The following SESN3 variants were observed in gnomAD, a reference collection of about 807,000 sequenced individuals.
SESN3 encodes sestrin 3, also known as sestrin-3.
SESN3 carries 21 observed loss-of-function variants against 55.3 expected under a neutral mutation model. The ratio of observed to expected loss-of-function variants is 0.38; its 90% CI spans 0.27 to 0.55. The LOEUF (loss-of-function observed/expected upper bound fraction) is 0.55, where lower values mean the gene tolerates loss of function less well. Among genes scored for constraint, SESN3 ranks in the 20% least tolerant of loss-of-function variants. The pLI is 0.76. For synonymous variants in SESN3, 181 were observed against 203.1 expected (o/e 0.89, Z 0.93); for missense variants, 408 against 604.3 (o/e 0.68, Z 3.41).
At chr11:95,175,816 A>T (rs1158323991) in intron 8 of SESN3, among the ~76,000 whole-genome samples, 174 bp from the exon 9 acceptor site, 1 of 152,220 alleles carries the variant, frequency 6.6e-6, no homozygotes, top group Non-Finnish European at 1.5e-5. Flanking sequence ...AGTAGTAGTG[A>T]TATACTAGTG....
chr11:95,227,523 T>A (rs1250542973), intron 1 of SESN3, among the ~76,000 whole-genome samples: 2 of 152,176 alleles, frequency 1.3e-5, no homozygotes, highest in Non-Finnish European at 2.9e-5. Context: ...GTATTTTTCA[T>A]TTTGACAGTA....
intron 8 of SESN3, among the ~76,000 whole-genome samples, chr11:95,175,888 G>A (rs115277988): frequency 0.021 from 3,192 of 152,202 alleles, 87 homozygotes; most frequent in African/African-American, 0.056. Context: ...AAAAAACGAA[G>A]AAAAATTAAA....
intron 1 of SESN3, among the ~76,000 whole-genome samples, chr11:95,226,643 C>G (rs1860952905): frequency 6.6e-6 from 1 of 152,078 alleles, no homozygotes; most frequent in African/African-American, 2.4e-5. Context: ...CCTTCACAAT[C>G]AATGACAATC....
chr11:95,211,995 A>G lies in SESN3; in HGVS notation c.79-18473T>C, dbSNP rs1182821257. Among the ~76,000 whole-genome samples, 3 of 152,212 alleles carry G rather than the reference A, an allele frequency of 2.0e-5. No individual in the cohort carries two copies. In the East Asian group the frequency reaches 5.8e-4, roughly 29 times the overall value. On this transcript the variant is annotated intron_variant, in intron 1 of 9. Coordinates refer to ENST00000536441, the MANE Select transcript of SESN3 (RefSeq NM_144665.4). The stretch of plus-strand genomic sequence containing the variant: ...AAATGGAAAATAAAATTGGAAAGTA[A>G]AGCCACTTAAGTAAAAAACACCCAT...
intron 1 of SESN3, among the ~76,000 whole-genome samples, chr11:95,218,887 C>T (rs1860809790): frequency 6.6e-6 from 1 of 152,088 alleles, no homozygotes; most frequent in South Asian, 2.1e-4. Flanking sequence ...CTCCTGACCT[C>T]GTGATCCGCC....
chr11:95,217,526 C>T lies in SESN3; in HGVS notation c.78+13257G>A, dbSNP rs187903915. Among the ~76,000 whole-genome samples the T allele has an allele frequency of 1.9e-3, 286 of 151,986 alleles. 1 individual carries two copies. The highest frequency in any genetic ancestry group is 3.2e-3 in the Non-Finnish European group (220 of 67,962). ...AATTAGCCGGGCACGGTGGTGGGCA[C>T]CTGTAATCCCAGCTACTTGGGAGGC... On this transcript the variant is annotated intron_variant, in intron 1 of 9. Transcript: ENST00000536441.
At chr11:95,177,014 C>G (rs985693921) in intron 8 of SESN3, among the ~76,000 whole-genome samples, 1 of 152,084 alleles carries the variant, frequency 6.6e-6, no homozygotes, top group South Asian at 2.1e-4. Context: ...TTCTAATTAT[C>G]ATAAAGTCTG....
Position 95,185,318 on chromosome 11 carries a change from C to T in SESN3, c.700G>A (p.Val234Ile), listed in dbSNP as rs368962287. The change falls in exon 5 of 10, where the codon GTT becomes ATT. Residue 234 changes from valine (V) to isoleucine (I), a missense_variant. Around this residue, in one of 4 missense-constraint regions of SESN3, gnomAD observed 119 missense variants for 139.9 expected, o/e 0.85. Transcript: ENST00000536441. ...TTGTTGTCATTAGCAAGATCACAAA[C>T]GCAGAAATTGTTGACTGATATTAGC... ...FRLISVNNFC[V>I]CDLANDNNIE... The T allele has an allele frequency of 3.5e-5, 56 of 1,613,018 alleles. 1 individual carries two copies. The Middle Eastern group carries it at 4.9e-4, about 14-fold the overall frequency.
At chr11:95,223,485 A>G (rs1860895856) in intron 1 of SESN3, among the ~76,000 whole-genome samples, 1 of 152,154 alleles carries the variant, frequency 6.6e-6, no homozygotes, top group Admixed American at 6.5e-5. Context: ...ATTCCTTCAA[A>G]GTGAAGGAAC....
chr11:95,183,256 G>A (rs973973296), intron 6 of SESN3, among the ~76,000 whole-genome samples: 3 of 152,036 alleles, frequency 2.0e-5, no homozygotes, highest in African/African-American at 7.2e-5. Flanking sequence ...CTGCTGACTA[G>A]AGGCTCTGAT....
At chr11:95,196,879 C>T (rs2134240420) in intron 1 of SESN3, among the ~76,000 whole-genome samples, 1 of 152,286 alleles carries the variant, frequency 6.6e-6, no homozygotes, top group East Asian at 1.9e-4. Context: ...TAAATGACTG[C>T]TCCACAGAGT....
At chr11:95,198,960 T>G (rs1288567135) in intron 1 of SESN3, among the ~76,000 whole-genome samples, 1 of 152,112 alleles carries the variant, frequency 6.6e-6, no homozygotes, top group Non-Finnish European at 1.5e-5. Context: ...AAAGATTGAT[T>G]TGAATGTTAA....
At chr11:95,202,817 G>A (rs1175052752) in intron 1 of SESN3, among the ~76,000 whole-genome samples, 1 of 152,002 alleles carries the variant, frequency 6.6e-6, no homozygotes, top group African/African-American at 2.4e-5. Flanking sequence ...TCCCAAAAAA[G>A]TATTAAGAAG....
chr11:95,211,428 A>C (rs551301673), intron 1 of SESN3, among the ~76,000 whole-genome samples: 1 of 152,350 alleles, frequency 6.6e-6, no homozygotes, highest in Non-Finnish European at 1.5e-5. Context: ...TAAAATAGGC[A>C]GTGAGAATAT....
chr11:95,208,233 G>A (rs1444198248), intron 1 of SESN3, among the ~76,000 whole-genome samples: 1 of 151,152 alleles, frequency 6.6e-6, no homozygotes, highest in East Asian at 1.9e-4. Flanking sequence ...CCAAAATAAT[G>A]TATGGACTTG....
In SESN3 at chr11:95,173,988, A is replaced by T. The variant is rs1591042908; in HGVS notation, c.1393-647T>A. Among the ~76,000 whole-genome samples, 3 of 152,252 alleles carry T rather than the reference A, an allele frequency of 2.0e-5. No individual in the cohort carries two copies. In the South Asian group the frequency reaches 6.2e-4, roughly 32 times the overall value. ...CTTTTGATATATTTATACCAGTTGG[A>T]TATGTGGTTGGATATATTCTCCTGA... On this transcript the variant is annotated intron_variant, in intron 9 of 9. Transcript: ENST00000536441.
chr11:95,169,009 A>G lies in SESN3; in HGVS notation c.*4246T>C, dbSNP rs12803674. ...ACACTCTCAGCACTATGTTCCTCATATTCTTTGAAAACTCTTCCTTCCTCA... is the reference window on the plus strand; with the variant it reads ...ACACTCTCAGCACTATGTTCCTCATGTTCTTTGAAAACTCTTCCTTCCTCA... On this transcript the variant is annotated 3_prime_UTR_variant, in exon 10 of 10. Transcript: ENST00000536441. 0.019 allele frequency: 2,858 copies of G among 152,364 alleles called. 44 individuals are homozygous for G. Among genetic ancestry groups the G allele is most frequent in the Admixed American group, 0.03 (454 of 15,302 alleles). 9.4% of individuals were successfully genotyped at this position (152,364 alleles called of 1,614,324 possible).
intron 1 of SESN3, among the ~76,000 whole-genome samples, chr11:95,213,288 CA>C (rs1860692489): frequency 1.3e-5 from 2 of 152,128 alleles, no homozygotes; most frequent in Admixed American, 1.3e-4. Flanking sequence ...ACAGTAACCT[CA>C]GAGTATTAAG....
At chr11:95,186,194 CTGTGTGTG>C (rs35466696) in intron 4 of SESN3, among the ~76,000 whole-genome samples, 3,692 of 107,608 alleles carry the variant, frequency 0.034, 91 homozygotes, top group Middle Eastern at 0.11. Context: ...CTATCTCTCA[CTGTGTGTG>C]TGTGTGTGTG....
Sources: gnomAD v4.1 joint callset for allele counts (sites outside exome capture counted in the v4.1 genomes callset) on GRCh38, gnomAD v4.1.1 for gene constraint, gnomAD v4.1.1 regional missense constraint, MANE v1.5 for transcripts, NCBI Gene and HGNC (gene_info 2026-07-23, HGNC 2026-07-21) for gene names.